The following ZNF618 variants were observed in gnomAD, a reference collection of about 807,000 sequenced individuals.
ZNF618 encodes zinc finger protein 618.
A neutral mutation model predicts 103.0 loss-of-function variants in ZNF618; 34 were observed. The ratio of observed to expected loss-of-function variants is 0.33; its 90% CI spans 0.25 to 0.44. ZNF618 has a LOEUF of 0.44. ZNF618 is among the 20% of genes least tolerant of loss of function. ZNF618 has a pLI of 1.00. For synonymous variants in ZNF618, 551 were observed against 542.2 expected, an observed-to-expected ratio of 1.02 and a Z score of -0.23; for missense variants, 1,059 against 1,295.4, an observed-to-expected ratio of 0.82 and a Z score of 2.80.
At chr9:113,883,985 C>CG (rs1564125351) in intron 1 of ZNF618, among the ~76,000 whole-genome samples, 1 of 8,220 alleles carries the variant, frequency 1.2e-4, no homozygotes, top group South Asian at 4.0e-3. Flanking sequence ...GGGCTTGGCC[C>CG]CCCCCCCCCC....
intron 12 of ZNF618, among the ~76,000 whole-genome samples, chr9:114,034,464 A>G (rs1007614720): frequency 6.6e-6 from 1 of 152,120 alleles, no homozygotes; most frequent in Non-Finnish European, 1.5e-5. Context: ...GGCAGCCACC[A>G]TTGATTGAGC....
intron 2 of ZNF618, among the ~76,000 whole-genome samples, chr9:113,972,643 T>C (rs531010354): frequency 2.0e-5 from 3 of 152,262 alleles, no homozygotes; most frequent in African/African-American, 7.2e-5. Context: ...AAGGTGGGAC[T>C]CTGGAGGAGC....
chr9:113,943,144 T>C (rs1410919955), intron 1 of ZNF618, among the ~76,000 whole-genome samples: 1 of 152,208 alleles, frequency 6.6e-6, no homozygotes, highest in Non-Finnish European at 1.5e-5. Context: ...GCAAATGTTT[T>C]TGAGCATCTT....
chr9:114,016,839 C>T (rs1189307854), intron 10 of ZNF618, 55 bp downstream of exon 10: 1 of 1,441,318 alleles, frequency 6.9e-7, no homozygotes, highest in Non-Finnish European at 9.6e-7. Context: ...ACAGGGTGGG[C>T]CAGCCGTTGG....
chr9:114,019,963 C>T (rs925558329), intron 10 of ZNF618, among the ~76,000 whole-genome samples: 2 of 152,058 alleles, frequency 1.3e-5, no homozygotes, highest in South Asian at 4.2e-4. Flanking sequence ...CTTTTAGAAG[C>T]CTTGTAATTT....
rs1843744296 is a variant in ZNF618, at chr9:114,028,845, G to C, written c.957G>C (p.Gln319His). Residue 319 changes from glutamine to histidine, a missense_variant, in exon 11 of 15, where the codon CAG (glutamine) becomes CAC (histidine). This residue lies in a region of ZNF618 where 434 missense variants were observed against 476.0 expected (regional missense o/e 0.91). Transcript: ENST00000374126. ...TGGCAGCGAAGACCCAGACGAACCA[G>C]TCGGGGAAAAAAGCTCCGGCCTCCG... is the stretch of plus-strand genomic sequence containing the variant. ...RFVAAKTQTN[Q>H]SGKKAPASVV... 6.4e-7 allele frequency: 1 copy of C among 1,550,588 alleles called. No homozygotes were observed. The highest frequency in any genetic ancestry group is 8.7e-7 in the Non-Finnish European group (1 of 1,146,952).
In ZNF618 at chr9:113,943,568, GC is replaced by G. The variant is rs200730297; in HGVS notation, c.34-25545del. Among the ~76,000 whole-genome samples the G allele has an allele frequency of 6.4e-3, 977 of 152,120 alleles. 11 individuals are homozygous for G. Among genetic ancestry groups the G allele is most frequent in the African/African-American group, 0.022 (921 of 41,488 alleles). On this transcript the variant is annotated intron_variant, in intron 1 of 14. Coordinates refer to ENST00000374126, the MANE Select transcript of ZNF618 (RefSeq NM_001318042.2). ...CGATTGTTGCCATGGCAGAACACAG[GC>G]CCCAGTGTGGCCAGATCTTCTGATT...
intron 1 of ZNF618, among the ~76,000 whole-genome samples, chr9:113,898,666 A>G (rs755378514): frequency 6.6e-6 from 1 of 152,116 alleles, no homozygotes; most frequent in Non-Finnish European, 1.5e-5. Context: ...GCCTCAAGCA[A>G]TCCTTCTGCC....
intron 4 of ZNF618, among the ~76,000 whole-genome samples, chr9:113,998,772 G>T (rs183945256): frequency 6.6e-6 from 1 of 152,230 alleles, no homozygotes; most frequent in Non-Finnish European, 1.5e-5. Flanking sequence ...CCCAGGACAG[G>T]CCACGCCACG....
At chr9:113,930,854 G>A (rs1490013112) in intron 1 of ZNF618, among the ~76,000 whole-genome samples, 1 of 152,150 alleles carries the variant, frequency 6.6e-6, no homozygotes, top group African/African-American at 2.4e-5. Context: ...AACAGGATCA[G>A]TTTTTCACAT....
At chr9:114,047,637 A>C (rs763355606) in intron 13 of ZNF618, among the ~76,000 whole-genome samples, 1 of 152,142 alleles carries the variant, frequency 6.6e-6, no homozygotes, top group African/African-American at 2.4e-5. Flanking sequence ...CACTGTGCTC[A>C]GCTCTTCCTG....
intron 1 of ZNF618, among the ~76,000 whole-genome samples, chr9:113,927,965 G>T: frequency 6.6e-6 from 1 of 152,158 alleles, no homozygotes; most frequent in East Asian, 1.9e-4. Context: ...GGTTTGCTCT[G>T]TGACCTCAGT....
intron 9 of ZNF618, among the ~76,000 whole-genome samples, chr9:114,012,537 G>A (rs775069545): frequency 5.5e-4 from 84 of 152,278 alleles, no homozygotes; most frequent in Non-Finnish European, 9.4e-4. Context: ...ACACAGTTCA[G>A]TCCATAGCAT....
intron 10 of ZNF618, among the ~76,000 whole-genome samples, chr9:114,023,346 A>G (rs1037038696): frequency 3.3e-5 from 5 of 152,054 alleles, no homozygotes; most frequent in Non-Finnish European, 5.9e-5. Context: ...TCCACCACGA[A>G]TTTATATCAT....
At chr9:113,881,718 C>T (rs565239782) in intron 1 of ZNF618, among the ~76,000 whole-genome samples, 14 of 152,298 alleles carry the variant, frequency 9.2e-5, no homozygotes, top group African/African-American at 3.1e-4. Flanking sequence ...CCTTTCAGAC[C>T]TCTTGGTTTT....
intron 2 of ZNF618, among the ~76,000 whole-genome samples, chr9:113,973,820 T>C (rs1838228046): frequency 6.6e-6 from 1 of 152,254 alleles, no homozygotes; most frequent in South Asian, 2.1e-4. Context: ...CTGGAAGGAC[T>C]GTAGAAAATC....
intron 6 of ZNF618, among the ~76,000 whole-genome samples, chr9:114,005,119 A>G (rs2133741809): frequency 6.6e-6 from 1 of 152,314 alleles, no homozygotes; most frequent in South Asian, 2.1e-4. Flanking sequence ...CCCATTTTAC[A>G]GATGAGGAAA....
intron 1 of ZNF618, among the ~76,000 whole-genome samples, chr9:113,966,375 C>T (rs894710045): frequency 3.9e-5 from 6 of 152,176 alleles, no homozygotes; most frequent in Admixed American, 6.5e-5. Flanking sequence ...TCTTAAGCTT[C>T]GGTTCAAATT....
At chr9:114,040,900 C>T (rs1309126468) in intron 13 of ZNF618, among the ~76,000 whole-genome samples, 79 of 152,316 alleles carry the variant, frequency 5.2e-4, no homozygotes, top group African/African-American at 1.5e-3. Context: ...CTTGAGGAAT[C>T]GCCACACTGT....
Sources: allele counts gnomAD v4.1 joint callset (sites outside exome capture counted in the v4.1 genomes callset), GRCh38; gene constraint gnomAD v4.1.1; regional missense constraint gnomAD v4.1.1; transcripts MANE v1.5; gene names NCBI Gene and HGNC (gene_info 2026-07-23, HGNC 2026-07-21).